The following LIMA1 variants were observed in gnomAD, a reference collection of about 807,000 sequenced individuals.
LIMA1 encodes the protein LIM domain and actin binding 1.
LIMA1 carries 52 observed loss-of-function variants against 62.6 expected under a neutral mutation model. That is an observed-to-expected ratio of 0.83 (90% CI 0.67 to 1.05). The LOEUF is 1.05. Ranked by LOEUF, LIMA1 falls within the 50% of genes least tolerant of loss-of-function variation. The pLI is 0.00. For missense variants in LIMA1, 780 were observed against 902.2 expected, an observed-to-expected ratio of 0.86 and a Z score of 1.74; for synonymous variants, 302 against 317.8, an observed-to-expected ratio of 0.95 and a Z score of 0.53.
chr12:50,205,914 G>T, intron 5 of LIMA1, 70 bp downstream of exon 5: 3 of 1,084,366 alleles, frequency 2.8e-6, no homozygotes, highest in Non-Finnish European at 4.0e-6. Flanking sequence ...CATTGGCTTC[G>T]AGTCCAAAAG....
intron 4 of LIMA1, among the ~76,000 whole-genome samples, chr12:50,216,776 T>C (rs1941352823): frequency 6.6e-6 from 1 of 152,024 alleles, no homozygotes; most frequent in Non-Finnish European, 1.5e-5. Flanking sequence ...GGCAGGAGAA[T>C]TGCTTGAACC....
chr12:50,215,611 A>G (rs971921772), intron 4 of LIMA1, among the ~76,000 whole-genome samples: 39 of 151,864 alleles, frequency 2.6e-4, no homozygotes, highest in African/African-American at 9.2e-4. Context: ...CTGGGACTAC[A>G]GGCGCCCGCC....
chr12:50,224,614 C>A (rs1941498124), intron 3 of LIMA1: 1 of 152,188 alleles, frequency 6.6e-6, no homozygotes, highest in Non-Finnish European at 1.5e-5. Flanking sequence ...GCCTTGGTAA[C>A]TGGACACTGT....
chr12:50,242,362 T>C (rs1313024819), intron 2 of LIMA1, among the ~76,000 whole-genome samples: 1 of 143,422 alleles, frequency 7.0e-6, no homozygotes, highest in Non-Finnish European at 1.5e-5. Flanking sequence ...ACGCTCTTTG[T>C]TTTTTTTTTT....
intron 2 of LIMA1, among the ~76,000 whole-genome samples, chr12:50,238,352 C>A (rs1941725530): frequency 6.6e-6 from 1 of 151,856 alleles, no homozygotes; most frequent in African/African-American, 2.4e-5. Context: ...ACTAAAAATA[C>A]AAAAATTAGC....
At chr12:50,248,549 A>T in intron 2 of LIMA1, 84 bp downstream of exon 2, 1 of 833,604 alleles carries the variant, frequency 1.2e-6, no homozygotes, top group Non-Finnish European at 2.1e-6. Context: ...ATTTTACATT[A>T]TGTACTTCCT....
At chr12:50,256,534 T>C (rs897397935) in intron 1 of LIMA1, among the ~76,000 whole-genome samples, 3 of 152,228 alleles carry the variant, frequency 2.0e-5, no homozygotes, top group African/African-American at 7.2e-5. Context: ...ATTAACGTCT[T>C]ATTTCTGTTT....
chr12:50,195,171 C>A (rs1407060711), intron 8 of LIMA1, among the ~76,000 whole-genome samples: 1 of 151,860 alleles, frequency 6.6e-6, no homozygotes, highest in East Asian at 1.9e-4. Flanking sequence ...CCACTGCACT[C>A]CAGCCTAGGC....
At chr12:50,231,785 G>A (rs1941615127) in intron 2 of LIMA1, 75 bp from the exon 3 acceptor site, 2 of 1,429,442 alleles carry the variant, frequency 1.4e-6, no homozygotes, top group African/African-American at 2.8e-5. Flanking sequence ...ATCTTTTTTT[G>A]AGATGAAGTC....
chr12:50,220,675 A>G (rs948665680), intron 4 of LIMA1: 4 of 152,166 alleles, frequency 2.6e-5, no homozygotes, highest in African/African-American at 9.7e-5. Context: ...CTCTCTATTT[A>G]GGATTTCTGA....
chr12:50,200,664 T>C (rs998656541), intron 7 of LIMA1, 113 bp downstream of exon 7: 4 of 1,199,170 alleles, frequency 3.3e-6, no homozygotes, highest in Non-Finnish European at 4.9e-6. Context: ...CTGGCAGCTG[T>C]TACCAAATTC....
intron 1 of LIMA1, among the ~76,000 whole-genome samples, chr12:50,271,054 TG>T (rs1942204677): frequency 6.6e-6 from 1 of 152,212 alleles, no homozygotes; most frequent in East Asian, 1.9e-4. Context: ...ATCGTGCCAC[TG>T]CACTCCAGCC....
chr12:50,236,802 C>T (rs1941703221), intron 2 of LIMA1, among the ~76,000 whole-genome samples: 1 of 152,052 alleles, frequency 6.6e-6, no homozygotes, highest in Admixed American at 6.6e-5. Context: ...GGTTGGGTAG[C>T]TCATGCTTGT....
intron 1 of LIMA1, among the ~76,000 whole-genome samples, chr12:50,259,958 TTTCTC>T (rs1454850253): frequency 6.6e-6 from 1 of 152,082 alleles, no homozygotes; most frequent in Non-Finnish European, 1.5e-5. Flanking sequence ...AAATTCCACT[TTTCTC>T]TTTTCTTGCA....
chr12:50,223,969 C>T (rs1411268340), intron 3 of LIMA1, among the ~76,000 whole-genome samples: 1 of 151,392 alleles, frequency 6.6e-6, no homozygotes, highest in African/African-American at 2.4e-5. Context: ...ACCTGGGAGG[C>T]GGAGGTTGCA....
At chr12:50,270,619 A>T (rs972508104) in intron 1 of LIMA1, among the ~76,000 whole-genome samples, 6 of 150,882 alleles carry the variant, frequency 4.0e-5, no homozygotes, top group African/African-American at 1.5e-4. Flanking sequence ...AAAAAAAAAA[A>T]AAAAAAAAAA....
intron 1 of LIMA1, among the ~76,000 whole-genome samples, chr12:50,266,862 T>A (rs1341846680): frequency 6.6e-6 from 1 of 152,186 alleles, no homozygotes; most frequent in African/African-American, 2.4e-5. Context: ...AGGTTGAGCA[T>A]ATTTTCAAAT....
At chr12:50,187,808 A>T (rs1392037795) in intron 9 of LIMA1, 1 of 152,242 alleles carries the variant, frequency 6.6e-6, no homozygotes, top group Non-Finnish European at 1.5e-5. Flanking sequence ...TGTCCCGTAC[A>T]CAGTGAGGGC....
intron 4 of LIMA1, among the ~76,000 whole-genome samples, chr12:50,214,272 A>G (rs1262611310): frequency 6.6e-6 from 1 of 152,228 alleles, no homozygotes; most frequent in East Asian, 1.9e-4. Context: ...ATTGATAGAA[A>G]AACAAAGACA....
Sources: gnomAD v4.1 joint callset for allele counts (sites outside exome capture counted in the v4.1 genomes callset) on GRCh38, gnomAD v4.1.1 for gene constraint, MANE v1.5 for transcripts, NCBI Gene and HGNC (gene_info 2026-07-23, HGNC 2026-07-21) for gene names.